Variants in ORC2 observed in about 807,000 individuals in gnomAD.
ORC2 encodes origin recognition complex subunit 2.
A neutral mutation model predicts 77.7 loss-of-function variants in ORC2; 37 were observed. The observed-to-expected ratio is 0.48, with a 90% CI of 0.37 to 0.63. The LOEUF is 0.63. ORC2 is among the 20% of genes least tolerant of loss of function. The pLI, the probability that ORC2 is intolerant of heterozygous loss-of-function variation, is 0.00. For missense variants in ORC2, 557 were observed against 661.9 expected (o/e 0.84, Z 1.74); for synonymous variants, 201 against 229.5 (o/e 0.88, Z 1.12).
At chr2:200,951,407 T>C (rs2041354808) in intron 4 of ORC2, among the ~76,000 whole-genome samples, 1 of 152,194 alleles carries the variant, frequency 6.6e-6, no homozygotes, top group South Asian at 2.1e-4. Context: ...CTGGATTATA[T>C]AGTTAGAGTA....
At chr2:200,956,794 A>C (rs1337542994) in intron 4 of ORC2, among the ~76,000 whole-genome samples, 3 of 152,174 alleles carry the variant, frequency 2.0e-5, no homozygotes, top group African/African-American at 7.2e-5. Flanking sequence ...ATAAATAAAT[A>C]AATAATCTTG....
At chr2:200,916,021 C>A (rs1282917697) in intron 15 of ORC2, among the ~76,000 whole-genome samples, 2 of 152,110 alleles carry the variant, frequency 1.3e-5, no homozygotes, top group East Asian at 3.9e-4. Context: ...TAACTAGGTA[C>A]TACTACTAAC....
chr2:200,957,668 T>C (rs986931819), intron 3 of ORC2, 124 bp from the exon 4 acceptor site: 24 of 713,518 alleles, frequency 3.4e-5, no homozygotes, highest in Admixed American at 7.5e-5. Context: ...AGCTTTCTCT[T>C]TGATTAAAAC....
intron 7 of ORC2, 84 bp downstream of exon 7, chr2:200,941,164 A>C: frequency 1.9e-6 from 2 of 1,074,846 alleles, no homozygotes; most frequent in Non-Finnish European, 2.8e-6. Context: ...TTAAGAGATC[A>C]ATTTTTTCAT....
At chr2:200,939,045 A>C (rs76834004) in intron 7 of ORC2, among the ~76,000 whole-genome samples, 1 of 139,690 alleles carries the variant, frequency 7.2e-6, no homozygotes, top group South Asian at 2.3e-4. Flanking sequence ...CCTCAGGGGG[A>C]AAAAAAAAAA....
rs1460262990 is a variant in ORC2, at chr2:200,931,401, G to A, written c.855C>T (p.Ala285=). 7.2e-6 allele frequency: 11 copies of A among 1,534,454 alleles called. No homozygotes were observed. Among genetic ancestry groups the A allele is most frequent in the East Asian group, 2.6e-5 (1 of 38,868 alleles). ...LLSKVSPSFS[A]ELKQLNQQYE... is the part of the protein sequence containing the mutation. ...ACTGTTGATTTAGTTGTTTAAGTTC[G>A]GCAGAAAAGGAAGGGGAAACCTTGC... The change falls in exon 11 of 18, where the codon GCC becomes GCT. Residue 285 remains alanine, a synonymous_variant. Coordinates refer to ENST00000234296, the MANE Select transcript of ORC2 (RefSeq NM_006190.5).
rs200240433 is a variant in ORC2 at position 200,930,787 on chromosome 2, TC to T, written c.917+551del. Reference sequence around the variant, plus strand: ...ATTATGTTTTGATTTCAATCATTCTTCTAGGTGTTTTAATGGAAATTTAAAA... The same window carrying T: ...ATTATGTTTTGATTTCAATCATTCTTTAGGTGTTTTAATGGAAATTTAAAA... On this transcript the variant is annotated intron_variant, in intron 11 of 17. Transcript: ENST00000234296. Among the ~76,000 whole-genome samples, 1,493 of 152,268 alleles carry T rather than the reference TC, an allele frequency of 9.8e-3. 69 individuals carry two copies. The East Asian group carries it at 0.13, about 13-fold the overall frequency.
chr2:200,911,185 A>T lies in ORC2; in HGVS notation c.*116T>A. The T allele has an allele frequency of 1.5e-6, 1 of 671,948 alleles. No homozygotes were observed. The highest frequency in any genetic ancestry group is 1.8e-5 in the South Asian group (1 of 55,076). 41.6% of individuals were successfully genotyped at this position (671,948 alleles called of 1,614,324 possible). On this transcript the variant is annotated 3_prime_UTR_variant, in exon 18 of 18. Transcript: ENST00000234296. ...GGACATCCCCCCCTTCCCAAATTTA[A>T]ATCTTGTATGCTGGAAAAATAATTT...
chr2:200,915,450 C>CT (rs2040630430), intron 15 of ORC2, among the ~76,000 whole-genome samples: 1 of 152,048 alleles, frequency 6.6e-6, no homozygotes. Context: ...AAAAATAACT[C>CT]TTAATGGATG....
chr2:200,928,388 T>C (rs1329645440), intron 11 of ORC2, among the ~76,000 whole-genome samples: 1 of 151,838 alleles, frequency 6.6e-6, no homozygotes, highest in African/African-American at 2.4e-5. Flanking sequence ...TCCAAACCCA[T>C]ACAAGGTAAA....
intron 11 of ORC2, among the ~76,000 whole-genome samples, chr2:200,930,319 T>A (rs1190598237): frequency 2.0e-5 from 3 of 152,116 alleles, no homozygotes; most frequent in Non-Finnish European, 4.4e-5. Flanking sequence ...TTGCTGACTA[T>A]AAGGTCTAAT....
chr2:200,926,390 TAC>T (rs1418149583), intron 12 of ORC2, among the ~76,000 whole-genome samples: 11 of 152,362 alleles, frequency 7.2e-5, no homozygotes, highest in South Asian at 2.1e-4. Context: ...ATTGTTAAAC[TAC>T]AGTCTTCACA....
At chr2:200,923,490 T>A (rs1156489215) in intron 13 of ORC2, among the ~76,000 whole-genome samples, 2 of 152,130 alleles carry the variant, frequency 1.3e-5, no homozygotes, top group African/African-American at 2.4e-5. Flanking sequence ...CCTCAAGTGA[T>A]CCACCTGCCT....
intron 3 of ORC2, among the ~76,000 whole-genome samples, chr2:200,957,749 T>C (rs989471379): frequency 6.6e-6 from 1 of 151,858 alleles, no homozygotes; most frequent in Non-Finnish European, 1.5e-5. Context: ...TGAAAGTATA[T>C]ATTTTTAGGG....
rs777285326 is a variant in ORC2, at chr2:200,910,208, G to A, written c.*1093C>T. ...TATTTTATTGCAGTGATATTTTCAGGAAGAACTTCATTTCCAAGTGTCAAA... is the reference window on the plus strand; with the variant it reads ...TATTTTATTGCAGTGATATTTTCAGAAAGAACTTCATTTCCAAGTGTCAAA... On this transcript the variant is annotated 3_prime_UTR_variant, in exon 18 of 18. Transcript: ENST00000234296. 1 of 152,188 alleles carries A rather than the reference G, an allele frequency of 6.6e-6. No individual in the cohort carries two copies. Among genetic ancestry groups the A allele is most frequent in the South Asian group, 2.1e-4 (1 of 4,830 alleles). 9.4% of individuals were successfully genotyped at this position (152,188 alleles called of 1,614,324 possible).
intron 15 of ORC2, among the ~76,000 whole-genome samples, chr2:200,916,701 T>A (rs1169436486): frequency 6.6e-6 from 1 of 152,112 alleles, no homozygotes; most frequent in Admixed American, 6.5e-5. Flanking sequence ...TCAATTTTTT[T>A]ATTTTATTTT....
chr2:200,950,798 T>C (rs1051213556), intron 4 of ORC2, among the ~76,000 whole-genome samples: 4 of 152,032 alleles, frequency 2.6e-5, no homozygotes, highest in Non-Finnish European at 4.4e-5. Flanking sequence ...TCATCCTCCT[T>C]ATTAAGCTTT....
chr2:200,935,575 G>A, intron 9 of ORC2, 124 bp downstream of exon 9: 1 of 708,866 alleles, frequency 1.4e-6, no homozygotes, highest in Non-Finnish European at 2.2e-6. Context: ...TATGTGGAAG[G>A]CTGAGAAAAT....
At position 200,913,200 on chromosome 2, in the gene ORC2, G is replaced by A. The variant is rs1000548142; in HGVS notation, c.1647+95C>T. ...CTCTGTGACTCAACAGGGAACATCAGTTTCAAAATCAGGTCTAAGTCAAAC... is the reference window on the plus strand; with the variant it reads ...CTCTGTGACTCAACAGGGAACATCAATTTCAAAATCAGGTCTAAGTCAAAC... On this transcript the variant is annotated intron_variant, in intron 17 of 17. Transcript: ENST00000234296. 2.3e-4 allele frequency: 200 copies of A among 861,240 alleles called. 2 individuals are homozygous for A. In the South Asian group the frequency reaches 3.2e-3, roughly 14 times the overall value. The allele number at this position is 861,240 out of a possible 1,614,324, so 53.3% of individuals were successfully genotyped here. A position where few individuals can be genotyped will look rare whatever the true frequency, so the allele number is the denominator to read the frequency against.
Sources: gnomAD v4.1 joint callset for allele counts (sites outside exome capture counted in the v4.1 genomes callset) on GRCh38, gnomAD v4.1.1 for gene constraint, MANE v1.5 for transcripts, NCBI Gene and HGNC (gene_info 2026-07-23, HGNC 2026-07-21) for gene names.